The following RORA variants were observed in gnomAD, a reference collection of about 807,000 sequenced individuals.
RORA encodes nuclear receptor ROR-alpha.
A neutral mutation model predicts 69.5 loss-of-function variants in RORA; 7 were observed. The observed-to-expected ratio is 0.10, with a 90% CI of 0.06 to 0.19. RORA has a LOEUF of 0.19. RORA is among the 10% of genes least tolerant of loss of function. The pLI is 1.00. For missense variants in RORA, 457 were observed against 663.0 expected (o/e 0.69, Z 3.41); for synonymous variants, 261 against 240.8 (o/e 1.08, Z -0.78).
At chr15:60,814,652 A>G (rs341369) in intron 1 of RORA, among the ~76,000 whole-genome samples, 148,778 of 152,196 alleles carry the variant, frequency 0.98, 72,796 homozygotes, top group East Asian at 1. Context: ...AACTCCTGCC[A>G]TCAGAAGAGG....
At chr15:60,772,174 A>G (rs1167320239) in intron 1 of RORA, among the ~76,000 whole-genome samples, 3 of 152,106 alleles carry the variant, frequency 2.0e-5, no homozygotes, top group African/African-American at 4.8e-5. Flanking sequence ...CGTCATTTAC[A>G]TTAGATATTT....
chr15:60,592,281 A>C, intron 2 of RORA: 3 of 749,892 alleles, frequency 4.0e-6, no homozygotes, highest in Non-Finnish European at 5.4e-6. Flanking sequence ...AGCCCCGGGC[A>C]GTACGTGCGT....
At chr15:61,227,210 CAAAAA>C (rs35827262) in intron 1 of RORA, among the ~76,000 whole-genome samples, 5 of 124,090 alleles carry the variant, frequency 4.0e-5, no homozygotes, top group Admixed American at 8.1e-5. Context: ...CCCCCCATTC[CAAAAA>C]AAAAAAAAAA....
chr15:60,844,834 C>A (rs1216676398), intron 1 of RORA, among the ~76,000 whole-genome samples: 1 of 152,194 alleles, frequency 6.6e-6, no homozygotes, highest in African/African-American at 2.4e-5. Context: ...CTTGGGGAAA[C>A]AATTCTTTGA....
chr15:60,979,667 G>A (rs1053990466), intron 1 of RORA, among the ~76,000 whole-genome samples: 2 of 151,808 alleles, frequency 1.3e-5, no homozygotes, highest in Admixed American at 1.3e-4. Context: ...CTGATTTTTG[G>A]ATATTGATCT....
At chr15:61,072,097 A>G (rs1203629145) in intron 1 of RORA, among the ~76,000 whole-genome samples, 3 of 152,232 alleles carry the variant, frequency 2.0e-5, no homozygotes, top group African/African-American at 4.8e-5. Flanking sequence ...ATTGCTCCCA[A>G]TAGAACTCTA....
chr15:60,593,173 C>G (rs1297069872), intron 2 of RORA: 4 of 293,642 alleles, frequency 1.4e-5, no homozygotes, highest in African/African-American at 2.3e-5. Flanking sequence ...CTTGGCAACC[C>G]TTGGATATTG....
intron 1 of RORA, among the ~76,000 whole-genome samples, chr15:60,832,974 G>A (rs938990132): frequency 6.7e-6 from 1 of 149,344 alleles, no homozygotes. Flanking sequence ...GCGTGATCTC[G>A]GCTCACTGCA....
chr15:60,686,800 C>G (rs925846879), intron 1 of RORA: 2 of 152,264 alleles, frequency 1.3e-5, no homozygotes, highest in African/African-American at 2.4e-5. Context: ...GTCGAAGCTA[C>G]CAGAACAGGT....
chr15:60,504,560 CAAAA>C (rs757022418), intron 6 of RORA, among the ~76,000 whole-genome samples: 67 of 152,150 alleles, frequency 4.4e-4, no homozygotes, highest in Admixed American at 3.6e-3. Flanking sequence ...CAAAACAAAA[CAAAA>C]AACTGGTGGA....
At chr15:60,614,771 T>C (rs1260776679) in intron 2 of RORA, 1 of 754,732 alleles carries the variant, frequency 1.3e-6, no homozygotes, top group Non-Finnish European at 2.1e-6. Context: ...AGAAATAGGA[T>C]ACTTAATATT....
chr15:60,910,804 T>A (rs1021747079), intron 1 of RORA, among the ~76,000 whole-genome samples: 2 of 151,996 alleles, frequency 1.3e-5, no homozygotes, highest in Non-Finnish European at 2.9e-5. Flanking sequence ...CCCCACACTG[T>A]CAGTCATGTC....
At chr15:60,874,866 C>T (rs2073596546) in intron 1 of RORA, among the ~76,000 whole-genome samples, 1 of 152,170 alleles carries the variant, frequency 6.6e-6, no homozygotes, top group African/African-American at 2.4e-5. Context: ...GTTATTTAAT[C>T]TTTCACTTTT....
At chr15:61,157,311 G>A (rs1454868041) in intron 1 of RORA, among the ~76,000 whole-genome samples, 1 of 152,156 alleles carries the variant, frequency 6.6e-6, no homozygotes, top group African/African-American at 2.4e-5. Flanking sequence ...AGAGACCTCT[G>A]TGTTGGGCAT....
intron 1 of RORA, among the ~76,000 whole-genome samples, chr15:60,860,828 C>T (rs555028642): frequency 1.2e-4 from 19 of 152,306 alleles, no homozygotes; most frequent in African/African-American, 4.6e-4. Flanking sequence ...GGAGATTCAC[C>T]ATGGAACTTC....
chr15:60,767,281 G>A (rs953611344), intron 1 of RORA, among the ~76,000 whole-genome samples: 2 of 152,034 alleles, frequency 1.3e-5, no homozygotes, highest in Admixed American at 1.3e-4. Context: ...CTGGGACATT[G>A]GCCTTTTGAG....
chr15:60,574,642 A>G (rs947327682), intron 2 of RORA, among the ~76,000 whole-genome samples: 3 of 152,252 alleles, frequency 2.0e-5, no homozygotes, highest in African/African-American at 7.2e-5. Flanking sequence ...AGTGCCTGCC[A>G]TATGCTAAGT....
rs1894220304 is a variant in RORA, at chr15:60,986,923, G to C, written c.166+242130C>G. Among the ~76,000 whole-genome samples the C allele has an allele frequency of 2.0e-5, 3 of 152,118 alleles. No individual in the cohort carries two copies. The South Asian group carries it at 6.2e-4, about 32-fold the overall frequency. ...TGATTCAACACAATCCGCAGACCGGGTGATTAAATAAAGCACTTTGGTTTT... is the reference window on the plus strand; with the variant it reads ...TGATTCAACACAATCCGCAGACCGGCTGATTAAATAAAGCACTTTGGTTTT... On this transcript the variant is annotated intron_variant, in intron 1 of 10. Transcript: ENST00000335670.
At position 60,495,851 on chromosome 15, in the gene RORA, G is replaced by A. The variant is rs1440903535; in HGVS notation, c.*1604C>T. 3 of 49,370 alleles carry A rather than the reference G, an allele frequency of 6.1e-5. No homozygotes were observed. The highest frequency in any genetic ancestry group is 2.9e-4 in the African/African-American group (3 of 10,384). The allele number at this position is 49,370 out of a possible 1,614,324, so 3.1% of individuals were successfully genotyped here. ...TATTCCTTTCCCCTTCCCCCACTAG[G>A]GATCATTAAAAAAAAAAAAACCATG... On this transcript the variant is annotated 3_prime_UTR_variant, in exon 11 of 11. Coordinates refer to ENST00000335670, the MANE Select transcript of RORA (RefSeq NM_134261.3).
Sources: allele counts gnomAD v4.1 joint callset (sites outside exome capture counted in the v4.1 genomes callset), GRCh38; gene constraint gnomAD v4.1.1; transcripts MANE v1.5; gene names NCBI Gene and HGNC (gene_info 2026-07-23, HGNC 2026-07-21).